PREX2: variants seen among roughly 807,000 people sequenced by gnomAD.
The protein encoded by PREX2 is phosphatidylinositol 3,4,5-trisphosphate-dependent Rac exchanger 2 protein.
A neutral mutation model predicts 203.2 loss-of-function variants in PREX2; 107 were observed. The observed-to-expected ratio is 0.53, with a 90% CI of 0.45 to 0.62. The LOEUF (loss-of-function observed/expected upper bound fraction) is 0.62. Ranked by LOEUF, PREX2 falls within the 20% of genes least tolerant of loss-of-function variation. The probability of loss-of-function intolerance (pLI) is 0.00; values close to 1 mark genes in which losing one functional copy is unlikely to be tolerated. For missense variants in PREX2, 1,777 were observed against 1,955.9 expected, an observed-to-expected ratio of 0.91 and a Z score of 1.72; for synonymous variants, 672 against 663.6, an observed-to-expected ratio of 1.01 and a Z score of -0.19.
intron 23 of PREX2, among the ~76,000 whole-genome samples, chr8:68,107,052 A>G (rs952113833): frequency 3.9e-5 from 6 of 152,150 alleles, no homozygotes; most frequent in African/African-American, 1.4e-4. Context: ...GGGGTTTACC[A>G]TCTGCCGGGG....
intron 23 of PREX2, chr8:68,100,220 T>C: frequency 2.2e-6 from 1 of 459,128 alleles, no homozygotes; most frequent in Non-Finnish European, 4.4e-6. Context: ...AAACTCTCAA[T>C]CAGAAAGTAC....
chr8:68,112,027 G>T (rs199674815), intron 25 of PREX2, among the ~76,000 whole-genome samples: 1 of 152,154 alleles, frequency 6.6e-6, no homozygotes, highest in African/African-American at 2.4e-5. Flanking sequence ...TTATCATAAA[G>T]TCTGGTTGTT....
chr8:68,144,701 T>C (rs998849793), intron 33 of PREX2, among the ~76,000 whole-genome samples: 2 of 152,278 alleles, frequency 1.3e-5, no homozygotes, highest in South Asian at 4.1e-4. Flanking sequence ...CTGGGTGTGG[T>C]GGCTTATGCC....
chr8:68,039,596 T>A (rs1230335470), intron 7 of PREX2, among the ~76,000 whole-genome samples: 1 of 152,192 alleles, frequency 6.6e-6, no homozygotes, highest in Non-Finnish European at 1.5e-5. Context: ...CTGCCTGTTG[T>A]GATGGCCATG....
chr8:67,998,604 A>G (rs1224374511), intron 1 of PREX2, among the ~76,000 whole-genome samples: 1 of 152,042 alleles, frequency 6.6e-6, no homozygotes, highest in African/African-American at 2.4e-5. Flanking sequence ...GTGTCTCTAG[A>G]AAAAAAACAA....
intron 23 of PREX2, among the ~76,000 whole-genome samples, chr8:68,107,854 C>G (rs1810449121): frequency 6.6e-6 from 1 of 152,198 alleles, no homozygotes; most frequent in Non-Finnish European, 1.5e-5. Flanking sequence ...AAATTCATTT[C>G]TTTTAACACC....
intron 37 of PREX2, among the ~76,000 whole-genome samples, chr8:68,213,745 A>G (rs922410034): frequency 6.6e-6 from 1 of 152,210 alleles, no homozygotes; most frequent in Non-Finnish European, 1.5e-5. Flanking sequence ...CTATGGGGAA[A>G]TTAAACATTT....
At chr8:68,162,304 T>C (rs900127206) in intron 35 of PREX2, among the ~76,000 whole-genome samples, 1 of 152,196 alleles carries the variant, frequency 6.6e-6, no homozygotes, top group East Asian at 1.9e-4. Context: ...GTTTTCTCAA[T>C]TTCTGTTTAC....
intron 17 of PREX2, among the ~76,000 whole-genome samples, chr8:68,081,524 T>C (rs775938551): frequency 6.6e-6 from 1 of 152,178 alleles, no homozygotes; most frequent in Non-Finnish European, 1.5e-5. Flanking sequence ...CCGTGGAGAC[T>C]GCATAGGGTA....
chr8:68,013,908 G>T (rs1031778035), intron 1 of PREX2, among the ~76,000 whole-genome samples: 1 of 152,172 alleles, frequency 6.6e-6, no homozygotes, highest in Admixed American at 6.5e-5. Flanking sequence ...ACAAAATTCA[G>T]ATTGGCATCG....
intron 2 of PREX2, 97 bp from the exon 3 acceptor site, chr8:68,019,452 T>G: frequency 1.1e-6 from 1 of 932,298 alleles, no homozygotes; most frequent in Non-Finnish European, 1.5e-6. Context: ...AAGGCATGGA[T>G]GTATGGTTTT....
At chr8:68,187,196 A>G (rs1458272569) in intron 35 of PREX2, among the ~76,000 whole-genome samples, 1 of 152,196 alleles carries the variant, frequency 6.6e-6, no homozygotes, top group African/African-American at 2.4e-5. Flanking sequence ...AGCTGCACCT[A>G]GTTAAGCCGT....
chr8:68,038,130 A>T (rs1468980012), intron 6 of PREX2, 29 bp from the exon 7 acceptor site: 3 of 1,599,354 alleles, frequency 1.9e-6, no homozygotes, highest in Admixed American at 3.5e-5. Context: ...CCAAGTAAGC[A>T]GACATTAATT....
chr8:67,987,695 C>G (rs533084741), intron 1 of PREX2, among the ~76,000 whole-genome samples: 72 of 152,320 alleles, frequency 4.7e-4, no homozygotes, highest in African/African-American at 1.6e-3. Context: ...GCCTTTTCCC[C>G]TGCAACCTCG....
At chr8:68,080,315 G>T (rs1809474984) in intron 15 of PREX2, 128 bp from the exon 16 acceptor site, 1 of 695,356 alleles carries the variant, frequency 1.4e-6, no homozygotes, top group Non-Finnish European at 2.3e-6. Flanking sequence ...ACTTGTGAAT[G>T]TAACTAGTCC....
At chr8:67,960,587 G>T (rs1408773660) in intron 1 of PREX2, among the ~76,000 whole-genome samples, 1 of 152,118 alleles carries the variant, frequency 6.6e-6, no homozygotes. Flanking sequence ...CACCAGGGAG[G>T]GATGGCTTTC....
rs1414097893 is a variant in PREX2 at position 68,233,425 on chromosome 8, T to A, written c.*2047T>A. 1 of 152,200 alleles carries A rather than the reference T, an allele frequency of 6.6e-6. No homozygotes were observed. Among genetic ancestry groups the A allele is most frequent in the Non-Finnish European group, 1.5e-5 (1 of 68,040 alleles). The allele number at this position is 152,200 out of a possible 1,614,324, so 9.4% of individuals were successfully genotyped here. ...ATTTATAAGCTAACATATTTTATAT[T>A]TTTAAGGATCTACTTTCTTCATAAT... is the stretch of plus-strand genomic sequence containing the variant. On this transcript the variant is annotated 3_prime_UTR_variant, in exon 40 of 40. Transcript: ENST00000288368.
intron 18 of PREX2, among the ~76,000 whole-genome samples, chr8:68,086,175 A>G (rs892680695): frequency 1.3e-5 from 2 of 152,220 alleles, no homozygotes; most frequent in African/African-American, 4.8e-5. Flanking sequence ...TATCCCACAT[A>G]CATACAGATA....
chr8:67,952,537 T>C lies in PREX2; in HGVS notation c.141+2T>C. On this transcript the variant is annotated splice_donor_variant, in intron 1 of 39. Transcript: ENST00000288368. LOFTEE classifies it high-confidence loss of function. ...GGCACGCTGGAGTTCCTGGTGTCGG[T>C]GAGTGTCCCCGGCAGACGCAGGGGG... 1 of 1,608,594 alleles carries C rather than the reference T, an allele frequency of 6.2e-7. No homozygotes were observed. The highest frequency in any genetic ancestry group is 8.5e-7 in the Non-Finnish European group (1 of 1,177,692).
Sources: gnomAD v4.1 joint callset for allele counts (sites outside exome capture counted in the v4.1 genomes callset) on GRCh38, gnomAD v4.1.1 for gene constraint, MANE v1.5 for transcripts, NCBI Gene and HGNC (gene_info 2026-07-23, HGNC 2026-07-21) for gene names.